The following WDR37 variants were observed in gnomAD, a reference collection of about 807,000 sequenced individuals.
WDR37 encodes WD repeat-containing protein 37.
Under a neutral mutation model 62.9 loss-of-function variants are expected in WDR37, and 19 were observed. The ratio of observed to expected loss-of-function variants is 0.30; its 90% CI spans 0.21 to 0.44. The LOEUF is 0.44. Among genes scored for constraint, WDR37 ranks in the 20% least tolerant of loss-of-function variants. WDR37 has a pLI of 1.00. For synonymous variants in WDR37, 250 were observed against 260.9 expected (o/e 0.96, Z 0.40); for missense variants, 474 against 657.6 (o/e 0.72, Z 3.05).
chr10:1,080,368 T>C, intron 4 of WDR37, 44 bp from the exon 5 acceptor site: 3 of 1,612,968 alleles, frequency 1.9e-6, no homozygotes, highest in Non-Finnish European at 2.5e-6. Context: ...CTATAGGTCT[T>C]TGATTGTGTG....
chr10:1,080,263 G>A, intron 4 of WDR37, 149 bp from the exon 5 acceptor site: 3 of 1,256,054 alleles, frequency 2.4e-6, no homozygotes, highest in Non-Finnish European at 3.4e-6. Flanking sequence ...CTCGGTTCTT[G>A]TTCCTGTTCT....
chr10:1,081,206 C>G (rs1168226245), intron 5 of WDR37, among the ~76,000 whole-genome samples: 1 of 148,826 alleles, frequency 6.7e-6, no homozygotes, highest in African/African-American at 2.6e-5. Flanking sequence ...TAGGGATGTT[C>G]ATGGTTTTTG....
rs868078130 is a variant in WDR37 at position 1,121,386 on chromosome 10, A to C, written c.1104-2832A>C. 3.3e-5 allele frequency among the ~76,000 whole-genome samples: 5 copies of C among 152,298 alleles called. No individual in the cohort carries two copies. In the Middle Eastern group the frequency reaches 0.01, roughly 311 times the overall value. ...TCTTCCAGGCTCCCCCAGCAGCCGA[A>C]GTCCTCTAAGCCTCATTGTAACCTT... On this transcript the variant is annotated intron_variant, in intron 11 of 13. Coordinates refer to ENST00000263150, the MANE Select transcript of WDR37 (RefSeq NM_014023.4). This position sits in a 1 kb window ranked among gnomAD's most constrained non-coding sequence, Gnocchi z 4.5.
chr10:1,089,411 T>G (rs1019477174), intron 7 of WDR37, among the ~76,000 whole-genome samples: 1 of 152,152 alleles, frequency 6.6e-6, no homozygotes, highest in African/African-American at 2.4e-5. Flanking sequence ...GCTTCCATGA[T>G]GACTTCAAGC....
chr10:1,080,908 A>G (rs189368412), intron 5 of WDR37, among the ~76,000 whole-genome samples: 6,694 of 146,802 alleles, frequency 0.046, 204 homozygotes, highest in Non-Finnish European at 0.07. Flanking sequence ...TCCGACTCCA[A>G]AAAAAAAAAA....
rs1026109252 is a variant in WDR37, at chr10:1,056,736, G to A, written c.-273G>A. 6.6e-6 allele frequency: 1 copy of A among 152,346 alleles called. No homozygotes were observed. The highest frequency in any genetic ancestry group is 2.4e-5 in the African/African-American group (1 of 41,448). The allele number at this position is 152,346 out of a possible 1,614,324, so 9.4% of individuals were successfully genotyped here. ...TGACTTCCGGCGCCGCCGGGTGTGG[G>A]GCGGAGGTGTGGGGCGGCTTCCGGA... On this transcript the variant is annotated 5_prime_UTR_variant, in exon 1 of 14. Transcript: ENST00000263150.
intron 11 of WDR37, among the ~76,000 whole-genome samples, chr10:1,118,686 A>C (rs895383706): frequency 6.6e-6 from 1 of 152,190 alleles, no homozygotes; most frequent in Non-Finnish European, 1.5e-5. Context: ...GTTCCACAGA[A>C]GCGATTTCTC....
At chr10:1,068,208 G>T (rs960002125) in intron 1 of WDR37, among the ~76,000 whole-genome samples, 1 of 152,080 alleles carries the variant, frequency 6.6e-6, no homozygotes, top group African/African-American at 2.4e-5. Flanking sequence ...TAGGCCGGGC[G>T]CGGTGGCTGA....
chr10:1,107,314 AG>A (rs1471380134), intron 11 of WDR37, among the ~76,000 whole-genome samples: 1 of 72 alleles, frequency 0.014, no homozygotes, highest in Non-Finnish European at 0.026. Flanking sequence ...GGCGGGGCAG[AG>A]GGGCCCGCAT....
chr10:1,130,212 A>G lies in WDR37; in HGVS notation c.*868A>G, dbSNP rs1009834845. The G allele has an allele frequency of 6.6e-6, 1 of 152,638 alleles. No homozygotes were observed. Among genetic ancestry groups the G allele is most frequent in the African/African-American group, 2.4e-5 (1 of 41,456 alleles). The allele number at this position is 152,638 out of a possible 1,614,324, so 9.5% of individuals were successfully genotyped here. A position where few individuals can be genotyped will look rare whatever the true frequency, so the allele number is the denominator to read the frequency against. On this transcript the variant is annotated 3_prime_UTR_variant, in exon 14 of 14. Transcript: ENST00000263150. ...CCGCACCTCGGTTGTGTGCTTCCGA[A>G]TGGGCTCACTCCCGTGGTGGTGTTT...
At chr10:1,071,488 A>C (rs923729725) in intron 1 of WDR37, among the ~76,000 whole-genome samples, 1 of 152,254 alleles carries the variant, frequency 6.6e-6, no homozygotes, top group Non-Finnish European at 1.5e-5. Context: ...GAAAATGCCC[A>C]AAGTGGGTAA....
At chr10:1,059,209 C>T (rs1413486376) in intron 1 of WDR37, among the ~76,000 whole-genome samples, 1 of 151,950 alleles carries the variant, frequency 6.6e-6, no homozygotes, top group Non-Finnish European at 1.5e-5. Flanking sequence ...AGTCCCGTCT[C>T]TACTAAAAAT....
At chr10:1,091,996 C>T (rs998898112) in intron 7 of WDR37, among the ~76,000 whole-genome samples, 66 of 149,810 alleles carry the variant, frequency 4.4e-4, no homozygotes, top group Admixed American at 3.9e-3. Context: ...TTGGCTAACA[C>T]GGTGAAACCC....
At chr10:1,080,906 C>CAAAAAAAAA (rs775496930) in intron 5 of WDR37, among the ~76,000 whole-genome samples, 1 of 122,746 alleles carries the variant, frequency 8.1e-6, no homozygotes, top group African/African-American at 3.1e-5. Flanking sequence ...ATTCCGACTC[C>CAAAAAAAAA]AAAAAAAAAA....
At chr10:1,070,226 A>T (rs976522813) in intron 1 of WDR37, among the ~76,000 whole-genome samples, 1 of 149,640 alleles carries the variant, frequency 6.7e-6, no homozygotes, top group Non-Finnish European at 1.5e-5. Context: ...AAAAAAAAAA[A>T]TTGGGAACTT....
chr10:1,093,301 A>G (rs1834462842), intron 7 of WDR37, 151 bp from the exon 8 acceptor site: 3 of 650,228 alleles, frequency 4.6e-6, no homozygotes, highest in Non-Finnish European at 7.9e-6. Flanking sequence ...TCTAATTCAC[A>G]CATTTATTTA....
chr10:1,110,337 C>T (rs911261549), intron 11 of WDR37, among the ~76,000 whole-genome samples: 1 of 152,162 alleles, frequency 6.6e-6, no homozygotes, highest in Non-Finnish European at 1.5e-5. Context: ...AACCTTTAGA[C>T]GTGCCTCATA....
In WDR37 at chr10:1,130,888, C is replaced by T. The variant is rs1173697561; in HGVS notation, c.*1544C>T. ...GGTCCAAGGAGCTTCGAATCTAAGT[C>T]ATCTAGAATGACCCTGAAATGACTG... is the stretch of plus-strand genomic sequence containing the variant. On this transcript the variant is annotated 3_prime_UTR_variant, in exon 14 of 14. Coordinates refer to ENST00000263150, the MANE Select transcript of WDR37 (RefSeq NM_014023.4). The T allele has an allele frequency of 6.6e-6, 1 of 152,252 alleles. No individual in the cohort carries two copies. Among genetic ancestry groups the T allele is most frequent in the Admixed American group, 6.5e-5 (1 of 15,290 alleles). The allele number at this position is 152,252 out of a possible 1,614,324, so 9.4% of individuals were successfully genotyped here.
intron 1 of WDR37, among the ~76,000 whole-genome samples, chr10:1,067,311 A>C (rs1286285416): frequency 6.6e-6 from 1 of 152,236 alleles, no homozygotes; most frequent in Non-Finnish European, 1.5e-5. Flanking sequence ...ATAGGTAATA[A>C]ATTTAGATGT....
Sources: gnomAD v4.1 joint callset for allele counts (sites outside exome capture counted in the v4.1 genomes callset) on GRCh38, gnomAD v4.1.1 for gene constraint, Gnocchi (gnomAD v3.1) non-coding constraint, MANE v1.5 for transcripts, NCBI Gene and HGNC (gene_info 2026-07-23, HGNC 2026-07-21) for gene names.